CTNNA3: variants seen among roughly 807,000 people sequenced by gnomAD.
CTNNA3 encodes the protein catenin alpha-3.
Under a neutral mutation model 95.7 loss-of-function variants are expected in CTNNA3, and 76 were observed. The ratio of observed to expected loss-of-function variants is 0.79; its 90% CI spans 0.66 to 0.96. The LOEUF is 0.96. Among genes scored for constraint, CTNNA3 ranks in the 40% least tolerant of loss-of-function variants. The pLI is 0.00. For synonymous variants in CTNNA3, 431 were observed against 374.4 expected (o/e 1.15, Z -1.74); for missense variants, 1,191 against 1,089.8 (o/e 1.09, Z -1.31).
intron 5 of CTNNA3, among the ~76,000 whole-genome samples, chr10:67,271,164 T>C (rs1838956470): frequency 6.6e-6 from 1 of 152,176 alleles, no homozygotes; most frequent in Non-Finnish European, 1.5e-5. Context: ...TTGATGCCTG[T>C]CAATCTTTCT....
chr10:67,112,695 A>G (rs1428020075), intron 7 of CTNNA3, among the ~76,000 whole-genome samples: 1 of 151,800 alleles, frequency 6.6e-6, no homozygotes, highest in African/African-American at 2.4e-5. Context: ...CACTGTAATT[A>G]ATTTTGCAGG....
intron 17 of CTNNA3, among the ~76,000 whole-genome samples, chr10:65,937,624 C>CTGT: frequency 6.6e-6 from 1 of 152,050 alleles, no homozygotes; most frequent in Non-Finnish European, 1.5e-5. Context: ...TTTGTGCACC[C>CTGT]TGTTGTATTT....
intron 12 of CTNNA3, among the ~76,000 whole-genome samples, chr10:66,336,650 T>A (rs1213408448): frequency 6.6e-6 from 1 of 152,136 alleles, no homozygotes; most frequent in East Asian, 1.9e-4. Flanking sequence ...AATTTGATTA[T>A]GTTTTCTAAT....
chr10:67,066,877 A>T (rs1856127414), intron 7 of CTNNA3, among the ~76,000 whole-genome samples: 1 of 152,234 alleles, frequency 6.6e-6, no homozygotes, highest in African/African-American at 2.4e-5. Flanking sequence ...TAATTTTAAA[A>T]TGAAGGGTAA....
intron 7 of CTNNA3, among the ~76,000 whole-genome samples, chr10:66,851,202 A>G (rs1843472426): frequency 6.6e-6 from 1 of 152,032 alleles, no homozygotes; most frequent in African/African-American, 2.4e-5. Context: ...CAAACACTTT[A>G]TGAGCATCCT....
intron 16 of CTNNA3, among the ~76,000 whole-genome samples, chr10:65,969,104 G>A (rs2078041385): frequency 6.6e-6 from 1 of 152,104 alleles, no homozygotes; most frequent in African/African-American, 2.4e-5. Context: ...GCTTGTAGGT[G>A]GAACTGAACC....
At chr10:66,788,186 C>A (rs1840821943) in intron 7 of CTNNA3, among the ~76,000 whole-genome samples, 1 of 152,090 alleles carries the variant, frequency 6.6e-6, no homozygotes, top group Non-Finnish European at 1.5e-5. Flanking sequence ...ACTTTTATTT[C>A]TTTAATGACC....
At chr10:67,662,665 A>G (rs1225642304) in intron 1 of CTNNA3, among the ~76,000 whole-genome samples, 1 of 152,260 alleles carries the variant, frequency 6.6e-6, no homozygotes, top group Non-Finnish European at 1.5e-5. Flanking sequence ...ATACAGGGAC[A>G]AAAAACAGAT....
At chr10:66,865,496 C>T (rs1352048848) in intron 7 of CTNNA3, among the ~76,000 whole-genome samples, 2 of 151,852 alleles carry the variant, frequency 1.3e-5, no homozygotes, top group Admixed American at 6.6e-5. Context: ...TGAATATTCT[C>T]GATTCCTTGA....
chr10:67,204,377 C>T (rs529169750), intron 6 of CTNNA3, among the ~76,000 whole-genome samples: 9,813 of 151,838 alleles, frequency 0.065, 468 homozygotes, highest in African/African-American at 0.13. Context: ...CACCTCCCCC[C>T]CTCTCTCTTC....
chr10:67,676,233 G>C (rs1840532366), intron 1 of CTNNA3, among the ~76,000 whole-genome samples: 1 of 151,998 alleles, frequency 6.6e-6, no homozygotes, highest in Non-Finnish European at 1.5e-5. Context: ...TTTATAAACA[G>C]ATCTTTATTA....
At chr10:66,868,521 G>A (rs1419488633) in intron 7 of CTNNA3, among the ~76,000 whole-genome samples, 1 of 151,848 alleles carries the variant, frequency 6.6e-6, no homozygotes, top group African/African-American at 2.4e-5. Context: ...GGGAGTCCGA[G>A]GCAGGTGGAT....
chr10:66,699,617 C>CACATACAT (rs974330436), intron 9 of CTNNA3, among the ~76,000 whole-genome samples: 6 of 151,940 alleles, frequency 3.9e-5, no homozygotes, highest in Middle Eastern at 3.4e-3. Context: ...CATGGGTATG[C>CACATACAT]ACATACATAT....
rs545835136 is a variant in CTNNA3 at position 65,997,151 on chromosome 10, T to G, written c.2160-8354A>C. Among the ~76,000 whole-genome samples the G allele has an allele frequency of 3.5e-3, 529 of 152,316 alleles. 1 individual carries two copies. Among genetic ancestry groups the G allele is most frequent in the Middle Eastern group, 0.014 (4 of 294 alleles). On this transcript the variant is annotated intron_variant, in intron 15 of 17. Coordinates refer to ENST00000433211, the MANE Select transcript of CTNNA3 (RefSeq NM_013266.4). The stretch of plus-strand genomic sequence containing the variant: ...TAAATTTATCTTCTCGTTTGTCTCA[T>G]AGTGGTTCTCCCACTTTCAAAGAGG...
intron 5 of CTNNA3, among the ~76,000 whole-genome samples, chr10:67,520,575 G>A (rs995608160): frequency 9.2e-5 from 14 of 152,072 alleles, no homozygotes; most frequent in African/African-American, 3.4e-4. Flanking sequence ...ACCATCAAGT[G>A]CTAATACCTA....
chr10:66,850,371 C>T (rs1843442470), intron 7 of CTNNA3, among the ~76,000 whole-genome samples: 1 of 152,124 alleles, frequency 6.6e-6, no homozygotes, highest in Non-Finnish European at 1.5e-5. Context: ...TGGGGAGAGA[C>T]ACGTATAGAA....
At chr10:66,930,737 C>G (rs1468688436) in intron 7 of CTNNA3, among the ~76,000 whole-genome samples, 1 of 152,032 alleles carries the variant, frequency 6.6e-6, no homozygotes, top group Non-Finnish European at 1.5e-5. Context: ...TATGATATAA[C>G]ACTAAATGAA....
At chr10:67,020,007 A>G (rs1010815862) in intron 7 of CTNNA3, among the ~76,000 whole-genome samples, 2 of 26,896 alleles carry the variant, frequency 7.4e-5, no homozygotes, top group Non-Finnish European at 1.5e-4. Flanking sequence ...TTGTGTTAAT[A>G]CCAATATCAA....
intron 5 of CTNNA3, chr10:67,403,498 C>T (rs971317975): frequency 6.6e-6 from 1 of 152,462 alleles, no homozygotes; most frequent in Admixed American, 6.5e-5. Context: ...CTGGGCAGGT[C>T]CTCCCAACCA....
Sources: allele counts gnomAD v4.1 joint callset (sites outside exome capture counted in the v4.1 genomes callset), GRCh38; gene constraint gnomAD v4.1.1; transcripts MANE v1.5; gene names NCBI Gene and HGNC (gene_info 2026-07-23, HGNC 2026-07-21).